ARFGEF1: variants seen among roughly 807,000 people sequenced by gnomAD.
ARFGEF1 encodes brefeldin A-inhibited guanine nucleotide-exchange protein 1.
ARFGEF1 carries 42 observed loss-of-function variants against 231.0 expected under a neutral mutation model. The observed-to-expected ratio is 0.18, with a 90% CI of 0.14 to 0.24. The LOEUF is 0.24. Ranked by LOEUF, ARFGEF1 falls within the 10% of genes least tolerant of loss-of-function variation. ARFGEF1 has a pLI of 1.00. For missense variants in ARFGEF1, 1,345 were observed against 2,192.0 expected (o/e 0.61, Z 7.72); for synonymous variants, 710 against 732.3 (o/e 0.97, Z 0.49).
At chr8:67,337,169 AATT>A (rs1808388858) in intron 1 of ARFGEF1, among the ~76,000 whole-genome samples, 1 of 151,624 alleles carries the variant, frequency 6.6e-6, no homozygotes, top group African/African-American at 2.4e-5. Context: ...AACAAATTGA[AATT>A]ATTTTGTGTT....
At position 67,266,056 on chromosome 8, in the gene ARFGEF1, T is replaced by C. The variant is rs759266751; in HGVS notation, c.2073A>G (p.Gln691=). The change falls in exon 14 of 39, where the codon CAA becomes CAG. Residue 691 remains glutamine, a synonymous_variant. Transcript: ENST00000262215. ...CTTTTTGTTGCTTTAGGACCTCAAA[T>C]TGTTCTGGATTATCAGTGCCAGACA... The part of the protein sequence containing the change: ...TQMSGTDNPE[Q]FEVLKQQKEI... 12 of 1,613,794 alleles carry C rather than the reference T, an allele frequency of 7.4e-6. No individual in the cohort carries two copies. The highest frequency in any genetic ancestry group is 6.7e-5 in the Admixed American group (4 of 59,980).
At chr8:67,238,606 A>G in intron 21 of ARFGEF1, 113 bp from the exon 22 acceptor site, 1 of 1,417,860 alleles carries the variant, frequency 7.1e-7, no homozygotes, top group East Asian at 2.4e-5. Context: ...ATTATTTTAA[A>G]AAGCTAAACG....
At chr8:67,222,184 T>TATATATATATATATATACACACAC (rs1554636798) in intron 29 of ARFGEF1, among the ~76,000 whole-genome samples, 1 of 65,682 alleles carries the variant, frequency 1.5e-5, no homozygotes, top group Non-Finnish European at 3.4e-5. Flanking sequence ...TATATACACA[T>TATATATATATATATATACACACAC]ATATATATAT....
intron 19 of ARFGEF1, among the ~76,000 whole-genome samples, chr8:67,241,391 A>G (rs1009557024): frequency 6.6e-6 from 1 of 152,166 alleles, no homozygotes; most frequent in East Asian, 1.9e-4. Flanking sequence ...TAACTTACAC[A>G]TTCTGTGGAG....
At chr8:67,219,691 G>A in intron 29 of ARFGEF1, 131 bp from the exon 30 acceptor site, 1 of 946,466 alleles carries the variant, frequency 1.1e-6, no homozygotes, top group Non-Finnish European at 1.5e-6. Context: ...ACATGACACT[G>A]GGTTTTAAAA....
intron 10 of ARFGEF1, among the ~76,000 whole-genome samples, chr8:67,270,716 A>T (rs1454870544): frequency 6.7e-5 from 2 of 30,008 alleles, no homozygotes; most frequent in African/African-American, 7.7e-4. Context: ...GTACACCTTA[A>T]AAAAAAAAAA....
At chr8:67,210,835 ATAAGG>A in intron 34 of ARFGEF1, among the ~76,000 whole-genome samples, 1 of 151,860 alleles carries the variant, frequency 6.6e-6, no homozygotes, top group Non-Finnish European at 1.5e-5. Context: ...CGGGCGGATC[ATAAGG>A]TCAGGAGTTT....
chr8:67,191,902 C>T (rs1301850987), intron 5 of ARFGEF1, among the ~76,000 whole-genome samples: 1 of 152,036 alleles, frequency 6.6e-6, no homozygotes, highest in East Asian at 1.9e-4. Flanking sequence ...TATATCCTGG[C>T]CATCACTTAG....
In ARFGEF1 at chr8:67,200,424, G is replaced by C; in HGVS notation, c.5357C>G (p.Thr1786Ser). The C allele has an allele frequency of 6.3e-7, 1 of 1,587,478 alleles. No homozygotes were observed. The highest frequency in any genetic ancestry group is 8.7e-7 in the Non-Finnish European group (1 of 1,155,804). ...ATTATCACTTATCTTTAGAACTTTAGTTAGAAACAAAAGCAGTAAGTTAGT... is the reference window on the plus strand; with the variant it reads ...ATTATCACTTATCTTTAGAACTTTACTTAGAAACAAAAGCAGTAAGTTAGT... ...AWTNLLLLFL[T>S]KVLKISDNRF... Residue 1786 changes from threonine (T) to serine (S), a missense_variant, in exon 38 of 39, where the codon ACT becomes AGT. By Grantham distance (58) the Thr-to-Ser change is moderately conservative. Coordinates refer to ENST00000262215, the MANE Select transcript of ARFGEF1 (RefSeq NM_006421.5).
intron 8 of ARFGEF1, 25 bp from the exon 9 acceptor site, chr8:67,276,134 AATT>A (rs1301457457): frequency 6.2e-7 from 1 of 1,610,846 alleles, no homozygotes; most frequent in Non-Finnish European, 8.5e-7. Flanking sequence ...ATACCATGAA[AATT>A]TTAGAGATAT....
chr8:67,323,983 A>G (rs1807712858), intron 1 of ARFGEF1, among the ~76,000 whole-genome samples: 1 of 151,908 alleles, frequency 6.6e-6, no homozygotes, highest in Admixed American at 6.5e-5. Context: ...TTGTATTTTT[A>G]CTAGAGACGG....
At chr8:67,281,529 T>TA (rs968718365) in intron 7 of ARFGEF1, among the ~76,000 whole-genome samples, 295 of 147,040 alleles carry the variant, frequency 2.0e-3, no homozygotes, top group African/African-American at 4.7e-3. Context: ...GCAATAATGT[T>TA]AAAAAAAAAA....
chr8:67,261,251 C>T (rs1047602456), intron 14 of ARFGEF1, among the ~76,000 whole-genome samples: 2 of 152,192 alleles, frequency 1.3e-5, no homozygotes, highest in Admixed American at 6.5e-5. Context: ...AAGAAGATGC[C>T]ATCTAGGACT....
At chr8:67,292,168 A>G in intron 5 of ARFGEF1, 45 bp from the exon 6 acceptor site, 1 of 1,553,516 alleles carries the variant, frequency 6.4e-7, no homozygotes. Flanking sequence ...TAAGTTGTTT[A>G]AAATTTGGAA....
intron 5 of ARFGEF1, chr8:67,177,691 G>A (rs750449850): frequency 6.2e-7 from 1 of 1,611,300 alleles, no homozygotes; most frequent in South Asian, 1.1e-5. Flanking sequence ...TGACTTAGAT[G>A]CCATCCCAAG....
intron 22 of ARFGEF1, among the ~76,000 whole-genome samples, chr8:67,235,303 A>G (rs1839690962): frequency 6.6e-6 from 1 of 152,022 alleles, no homozygotes; most frequent in Non-Finnish European, 1.5e-5. Context: ...AGCACACAAC[A>G]CAAGAGAATA....
intron 18 of ARFGEF1, among the ~76,000 whole-genome samples, chr8:67,252,107 T>TA (rs1444016533): frequency 4.0e-5 from 6 of 151,786 alleles, no homozygotes; most frequent in Admixed American, 3.9e-4. Context: ...CTGTCTCTAC[T>TA]AAAAATACAA....
chr8:67,217,273 C>T (rs1431513294), intron 32 of ARFGEF1, among the ~76,000 whole-genome samples: 2 of 146,434 alleles, frequency 1.4e-5, no homozygotes, highest in African/African-American at 5.2e-5. Flanking sequence ...CAATGCACTC[C>T]AGCCTGGTAA....
At chr8:67,308,919 A>C (rs900542952) in intron 1 of ARFGEF1, among the ~76,000 whole-genome samples, 2 of 152,190 alleles carry the variant, frequency 1.3e-5, no homozygotes, top group African/African-American at 4.8e-5. Context: ...AAATATTTAA[A>C]ATCTACCTTT....
Sources: allele counts gnomAD v4.1 joint callset (sites outside exome capture counted in the v4.1 genomes callset), GRCh38; gene constraint gnomAD v4.1.1; transcripts MANE v1.5; gene names NCBI Gene and HGNC (gene_info 2026-07-23, HGNC 2026-07-21).